The following FAM186A variants were observed in gnomAD, a reference collection of about 807,000 sequenced individuals.
FAM186A encodes the protein protein FAM186A.
A neutral mutation model predicts 216.8 loss-of-function variants in FAM186A; 163 were observed. That is an observed-to-expected ratio of 0.75 (90% CI 0.66 to 0.86). The LOEUF is 0.86. Ranked by LOEUF, FAM186A falls within the 40% of genes least tolerant of loss-of-function variation. The pLI is 0.00. For synonymous variants in FAM186A, 805 were observed against 1,025.3 expected (o/e 0.79, Z 4.10); for missense variants, 2,184 against 2,746.2 (o/e 0.80, Z 4.58).
At chr12:50,368,498 C>T (rs1282953683) in intron 1 of FAM186A, among the ~76,000 whole-genome samples, 1 of 151,870 alleles carries the variant, frequency 6.6e-6, no homozygotes, top group Admixed American at 6.6e-5. Context: ...CAAAATGTTA[C>T]TGAGAGAAAT....
chr12:50,334,183 T>G (rs1441033889), intron 4 of FAM186A, 80 bp from the exon 5 acceptor site: 6 of 1,279,868 alleles, frequency 4.7e-6, no homozygotes, highest in Admixed American at 5.9e-5. Context: ...TTCTTTTTTT[T>G]TTTTGAGACG....
intron 1 of FAM186A, among the ~76,000 whole-genome samples, chr12:50,383,553 G>A (rs556415274): frequency 5.3e-4 from 81 of 151,998 alleles, no homozygotes; most frequent in African/African-American, 1.9e-3. Context: ...CCAAGATCGC[G>A]CCACTCAACT....
chr12:50,380,071 C>G (rs138846307), intron 1 of FAM186A, among the ~76,000 whole-genome samples: 1 of 152,070 alleles, frequency 6.6e-6, no homozygotes, highest in Non-Finnish European at 1.5e-5. Flanking sequence ...ACATACATAC[C>G]TTTCATATAC....
intron 1 of FAM186A, among the ~76,000 whole-genome samples, chr12:50,367,233 T>C (rs1943098100): frequency 6.6e-6 from 1 of 151,332 alleles, no homozygotes. Context: ...GAAAAAGAAA[T>C]AAAGGCCAGA....
At chr12:50,360,691 G>C in intron 3 of FAM186A, 65 bp downstream of exon 3, 1 of 1,214,372 alleles carries the variant, frequency 8.2e-7, no homozygotes. Flanking sequence ...AAAAAAAAAA[G>C]TTGTTTCTCT....
At chr12:50,384,966 C>A (rs1042239211) in intron 1 of FAM186A, among the ~76,000 whole-genome samples, 1 of 151,962 alleles carries the variant, frequency 6.6e-6, no homozygotes, top group African/African-American at 2.4e-5. Context: ...CCTCTATGCC[C>A]AGCTAATTTT....
Position 50,350,923 on chromosome 12 carries a change from T to C in FAM186A, c.5909A>G (p.His1970Arg), listed in dbSNP as rs748526582. 2 of 1,551,460 alleles carry C rather than the reference T, an allele frequency of 1.3e-6. No homozygotes were observed. The highest frequency in any genetic ancestry group is 1.7e-6 in the Non-Finnish European group (2 of 1,146,944). ...TACCTTGAAATCTGGAGCACTAGGATGGATCAATACTGATTTAGATTTCAG... is the reference window on the plus strand; with the variant it reads ...TACCTTGAAATCTGGAGCACTAGGACGGATCAATACTGATTTAGATTTCAG... ...SSLKSKSVLI[H>R]PSAPDFKVAQ... The change falls in exon 4 of 8, where the codon CAT becomes CGT. Residue 1970 changes from histidine (H) to arginine (R), a missense_variant. His to Arg is a conservative substitution (Grantham distance 29). This residue lies in a region of FAM186A where 721 missense variants were observed against 816.4 expected (regional missense o/e 0.88). Coordinates refer to ENST00000327337, the MANE Select transcript of FAM186A (RefSeq NM_001145475.3).
At position 50,355,932 on chromosome 12, in the gene FAM186A, C is replaced by G; in HGVS notation, c.900G>C (p.Glu300Asp). Residue 300 changes from glutamate to aspartate, a missense_variant, in exon 4 of 8, where the codon GAG becomes GAC. Coordinates refer to ENST00000327337, the MANE Select transcript of FAM186A (RefSeq NM_001145475.3). ...GATCTCGTATTATCTTCAGAGAGAG[C>G]TCCTTTTCTGCTTCACTTGTCTCAT... ...YAHETSEAEK[E>D]LSLKIIRDLS... 1 of 1,551,504 alleles carries G rather than the reference C, an allele frequency of 6.4e-7. No individual in the cohort carries two copies. Among genetic ancestry groups the G allele is most frequent in the Non-Finnish European group, 8.7e-7 (1 of 1,146,960 alleles).
chr12:50,389,276 G>A (rs2136107967), intron 1 of FAM186A, among the ~76,000 whole-genome samples: 1 of 151,782 alleles, frequency 6.6e-6, no homozygotes, highest in East Asian at 2.0e-4. Flanking sequence ...CGAGGTGGGT[G>A]GATCACCTGA....
At chr12:50,359,570 A>G (rs115785209) in intron 3 of FAM186A, among the ~76,000 whole-genome samples, 1,707 of 152,168 alleles carry the variant, frequency 0.011, 28 homozygotes, top group African/African-American at 0.037. Flanking sequence ...ACTCCTAGCT[A>G]TCTACCCCCC....
intron 1 of FAM186A, among the ~76,000 whole-genome samples, chr12:50,376,425 A>G (rs963462848): frequency 2.6e-4 from 40 of 152,166 alleles, no homozygotes; most frequent in African/African-American, 7.5e-4. Flanking sequence ...AGTCATCCCA[A>G]CAAGGGTAGA....
intron 1 of FAM186A, among the ~76,000 whole-genome samples, chr12:50,372,605 A>G (rs529947301): frequency 2.0e-5 from 3 of 151,446 alleles, no homozygotes; most frequent in Non-Finnish European, 4.4e-5. Context: ...AAAAAAAAAA[A>G]AGAAATAATA....
At position 50,351,735 on chromosome 12, in the gene FAM186A, C is replaced by T; in HGVS notation, c.5097G>A (p.Leu1699=). Residue 1699 remains leucine (L), a synonymous_variant, in exon 4 of 8, where the codon TTG becomes TTA. Coordinates refer to ENST00000327337, the MANE Select transcript of FAM186A (RefSeq NM_001145475.3). Reference sequence around the variant, plus strand: ...CTTGCTTAAGGGTGAGGGGCGATCCCAAGGTATGGGCTTTATCTAAGGTGA... The same window carrying T: ...CTTGCTTAAGGGTGAGGGGCGATCCTAAGGTATGGGCTTTATCTAAGGTGA... ...VPLTLDKAHT[L]GSPLTLKQVQ... is the part of the protein sequence containing the mutation. The T allele has an allele frequency of 6.4e-7, 1 of 1,551,438 alleles. No homozygotes were observed. Among genetic ancestry groups the T allele is most frequent in the Non-Finnish European group, 8.7e-7 (1 of 1,146,834 alleles).
chr12:50,331,601 T>C, intron 6 of FAM186A, 69 bp downstream of exon 6: 2 of 1,397,008 alleles, frequency 1.4e-6, no homozygotes, highest in Admixed American at 2.6e-5. Flanking sequence ...GGGAAGTTCT[T>C]GGGCAGGGAA....
chr12:50,381,096 C>T (rs540556228), intron 1 of FAM186A, among the ~76,000 whole-genome samples: 1 of 152,300 alleles, frequency 6.6e-6, no homozygotes, highest in East Asian at 1.9e-4. Context: ...CACCAGGAAC[C>T]ACAGAGCCCC....
intron 4 of FAM186A, among the ~76,000 whole-genome samples, chr12:50,337,915 T>TAAAC (rs36013156): frequency 0.36 from 54,787 of 151,224 alleles, 10,470 homozygotes; most frequent in South Asian, 0.49. Flanking sequence ...AACAAACAAA[T>TAAAC]AAACAAACAA....
intron 1 of FAM186A, among the ~76,000 whole-genome samples, chr12:50,371,489 C>T (rs550922998): frequency 6.6e-6 from 1 of 152,238 alleles, no homozygotes; most frequent in Admixed American, 6.5e-5. Flanking sequence ...TTTTGACATA[C>T]ACTACAATAT....
intron 4 of FAM186A, among the ~76,000 whole-genome samples, chr12:50,346,225 GAAAGAAAGAAAA>G (rs1227045618): frequency 7.4e-6 from 1 of 134,374 alleles, no homozygotes; most frequent in South Asian, 2.6e-4. Flanking sequence ...GAGAAGGAAA[GAAAGAAAGAAAA>G]AAAGAAAGAA....
At chr12:50,391,717 T>C (rs1410701185) in intron 1 of FAM186A, among the ~76,000 whole-genome samples, 2 of 150,480 alleles carry the variant, frequency 1.3e-5, no homozygotes, top group Non-Finnish European at 2.9e-5. Context: ...CAGATTCTCA[T>C]GCCTCTGCCT....
Sources: gnomAD v4.1 joint callset for allele counts (sites outside exome capture counted in the v4.1 genomes callset) on GRCh38, gnomAD v4.1.1 for gene constraint, gnomAD v4.1.1 regional missense constraint, MANE v1.5 for transcripts, NCBI Gene and HGNC (gene_info 2026-07-23, HGNC 2026-07-21) for gene names.